DPP10: variants seen among roughly 807,000 people sequenced by gnomAD.
The protein encoded by DPP10 is inactive dipeptidyl peptidase 10.
In DPP10, 33 loss-of-function variants were observed where a neutral mutation model predicts 120.9. That is an observed-to-expected ratio of 0.27 (90% confidence interval 0.21 to 0.37). The LOEUF (loss-of-function observed/expected upper bound fraction) is 0.37, where lower values mean the gene tolerates loss of function less well. DPP10 is among the 10% of genes least tolerant of loss of function. The pLI, the probability that DPP10 is intolerant of heterozygous loss-of-function variation, is 1.00. For synonymous variants in DPP10, 337 were observed against 326.1 expected, an observed-to-expected ratio of 1.03 and a Z score of -0.36; for missense variants, 816 against 942.8, an observed-to-expected ratio of 0.87 and a Z score of 1.76.
intron 1 of DPP10, among the ~76,000 whole-genome samples, chr2:114,643,239 A>T (rs1695847091): frequency 6.6e-6 from 1 of 151,918 alleles, no homozygotes; most frequent in South Asian, 2.1e-4. Context: ...CACCCTCATG[A>T]AGGGTCCTTC....
chr2:114,542,068 G>C (rs1428964095), intron 1 of DPP10, among the ~76,000 whole-genome samples: 1 of 104,376 alleles, frequency 9.6e-6, no homozygotes, highest in Non-Finnish European at 1.9e-5. Context: ...TTTTTTTTGA[G>C]ATGGAGTCTC....
chr2:115,557,427 A>G (rs1236633050), intron 5 of DPP10, among the ~76,000 whole-genome samples: 1 of 152,190 alleles, frequency 6.6e-6, no homozygotes, highest in African/African-American at 2.4e-5. Context: ...CCGTAGAATT[A>G]TCCATCATCG....
chr2:115,786,789 T>C (rs951611008), intron 17 of DPP10, among the ~76,000 whole-genome samples: 1 of 152,156 alleles, frequency 6.6e-6, no homozygotes, highest in Non-Finnish European at 1.5e-5. Context: ...GTATGGAATT[T>C]TATGGAATTG....
intron 1 of DPP10, among the ~76,000 whole-genome samples, chr2:115,188,923 T>C (rs1028732514): frequency 1.3e-5 from 2 of 152,306 alleles, no homozygotes; most frequent in African/African-American, 4.8e-5. Flanking sequence ...TTTTCTTTAA[T>C]AGTATTGTTG....
At chr2:115,727,429 TCAAA>T (rs1339420133) in intron 7 of DPP10, among the ~76,000 whole-genome samples, 1 of 152,120 alleles carries the variant, frequency 6.6e-6, no homozygotes, top group African/African-American at 2.4e-5. Context: ...TTGAAGCTCT[TCAAA>T]CAGTCAGTTG....
chr2:114,848,628 G>C (rs1688720069), intron 1 of DPP10, among the ~76,000 whole-genome samples: 1 of 152,158 alleles, frequency 6.6e-6, no homozygotes, highest in African/African-American at 2.4e-5. Context: ...AGAAAAACTT[G>C]CTGTGAAGTT....
At chr2:115,069,860 A>C (rs1445402757) in intron 1 of DPP10, among the ~76,000 whole-genome samples, 5 of 151,632 alleles carry the variant, frequency 3.3e-5, no homozygotes, top group Admixed American at 3.3e-4. Context: ...GTCTATCTAT[A>C]TATATATGTA....
At chr2:115,476,037 G>A (rs997626589) in intron 3 of DPP10, among the ~76,000 whole-genome samples, 4 of 152,066 alleles carry the variant, frequency 2.6e-5, no homozygotes, top group African/African-American at 4.8e-5. Flanking sequence ...AGACTCGGGG[G>A]GACTCTTGAG....
At chr2:114,759,720 T>C (rs1360982781) in intron 1 of DPP10, among the ~76,000 whole-genome samples, 1 of 143,326 alleles carries the variant, frequency 7.0e-6, no homozygotes. Context: ...GCCAGAGGAA[T>C]AAATTGAGAT....
At chr2:115,256,807 A>C (rs972125181) in intron 1 of DPP10, among the ~76,000 whole-genome samples, 1 of 152,218 alleles carries the variant, frequency 6.6e-6, no homozygotes, top group Non-Finnish European at 1.5e-5. Flanking sequence ...CTTCTTAAAC[A>C]GATGTTCCAA....
At chr2:115,196,793 A>G (rs902257647) in intron 1 of DPP10, among the ~76,000 whole-genome samples, 3 of 152,170 alleles carry the variant, frequency 2.0e-5, no homozygotes, top group Non-Finnish European at 4.4e-5. Context: ...GAACATATGG[A>G]TGTGTGGGTG....
intron 1 of DPP10, among the ~76,000 whole-genome samples, chr2:114,908,975 T>C (rs1694170139): frequency 1.3e-5 from 2 of 151,974 alleles, no homozygotes; most frequent in South Asian, 2.1e-4. Flanking sequence ...GTTTACTACA[T>C]TGTCAAGTTG....
chr2:114,493,711 G>T (rs1430096), intron 1 of DPP10, among the ~76,000 whole-genome samples: 83,980 of 151,914 alleles, frequency 0.55, 25,190 homozygotes, highest in East Asian at 0.71. Context: ...TGGGTGTTTA[G>T]TTTGAATAAA....
At chr2:114,477,907 G>A (rs1377144676) in intron 1 of DPP10, among the ~76,000 whole-genome samples, 1 of 136,258 alleles carries the variant, frequency 7.3e-6, no homozygotes, top group Admixed American at 8.0e-5. Flanking sequence ...GTGTATATAT[G>A]TACATATATG....
chr2:114,764,072 T>C (rs982474975), intron 1 of DPP10, among the ~76,000 whole-genome samples: 2 of 152,202 alleles, frequency 1.3e-5, no homozygotes, highest in Non-Finnish European at 2.9e-5. Flanking sequence ...AAAAGCTTGC[T>C]CTCTTTATGC....
At chr2:115,379,389 G>T (rs374816124) in intron 3 of DPP10, among the ~76,000 whole-genome samples, 2 of 152,016 alleles carry the variant, frequency 1.3e-5, no homozygotes, top group Non-Finnish European at 2.9e-5. Context: ...CTGTGGGATC[G>T]GTGGTGATAT....
Position 114,923,471 on chromosome 2 carries a change from CCTT to C in DPP10, c.61-385767_61-385765del, listed in dbSNP as rs1350824807. 3.9e-3 allele frequency among the ~76,000 whole-genome samples: 326 copies of C among 84,570 alleles called. 4 individuals are homozygous for C. The highest frequency in any genetic ancestry group is 0.015 in the African/African-American group (304 of 20,014). 55.5% of individuals were successfully genotyped at this position (84,570 alleles called of 152,430 possible). A position where few individuals can be genotyped will look rare whatever the true frequency, so the allele number is the denominator to read the frequency against. ...TGAGCCACCACGCTTGGCCTTTTTT[CCTT>C]TTTTTTTTTTTTTTTTTTTTTTTTG... On this transcript the variant is annotated intron_variant, in intron 1 of 25. Coordinates refer to ENST00000410059, the MANE Select transcript of DPP10 (RefSeq NM_020868.6).
intron 5 of DPP10, among the ~76,000 whole-genome samples, chr2:115,550,889 C>G (rs2079831321): frequency 6.6e-6 from 1 of 152,106 alleles, no homozygotes; most frequent in South Asian, 2.1e-4. Flanking sequence ...AGTAATCTGG[C>G]CCATCCACAG....
intron 1 of DPP10, among the ~76,000 whole-genome samples, chr2:114,662,685 C>A (rs1377223428): frequency 1.3e-5 from 2 of 152,126 alleles, no homozygotes; most frequent in Non-Finnish European, 2.9e-5. Flanking sequence ...CCACAACGCG[C>A]AGAAACCAAG....
Sources: allele counts gnomAD v4.1 joint callset (sites outside exome capture counted in the v4.1 genomes callset), GRCh38; gene constraint gnomAD v4.1.1; transcripts MANE v1.5; gene names NCBI Gene and HGNC (gene_info 2026-07-23, HGNC 2026-07-21).